The following RALGAPA1 variants were observed in gnomAD, a reference collection of about 807,000 sequenced individuals.
RALGAPA1 encodes the protein Ral GTPase activating protein catalytic subunit alpha 1.
In RALGAPA1, 52 loss-of-function variants were observed where a neutral mutation model predicts 269.6. The ratio of observed to expected loss-of-function variants is 0.19; its 90% confidence interval spans 0.15 to 0.24. The LOEUF (loss-of-function observed/expected upper bound fraction) is 0.24, where lower values mean the gene tolerates loss of function less well. Ranked by LOEUF, RALGAPA1 falls within the 10% of genes least tolerant of loss-of-function variation. RALGAPA1 has a pLI of 1.00. For synonymous variants in RALGAPA1, 817 were observed against 1,008.3 expected, an observed-to-expected ratio of 0.81 and a Z score of 3.60; for missense variants, 1,917 against 3,013.9, an observed-to-expected ratio of 0.64 and a Z score of 8.52.
At position 35,775,047 on chromosome 14, in the gene RALGAPA1, A is replaced by T; in HGVS notation, c.226T>A (p.Ser76Thr). The T allele has an allele frequency of 6.5e-7, 1 of 1,544,494 alleles. No homozygotes were observed. The highest frequency in any genetic ancestry group is 8.9e-7 in the Non-Finnish European group (1 of 1,124,510). ...ATAGCATCCAATTCCTCTCTTTGAG[A>T]CTTGTGACCTAAAACATTTTTATAA... ...EASLKQKGHK[S>T]QREELDAILF... The change falls in exon 3 of 42, where the codon TCT becomes ACT. Residue 76 changes from serine (S) to threonine (T), a missense_variant. Around this residue, in one of 11 missense-constraint regions of RALGAPA1, gnomAD observed 462 missense variants for 725.6 expected, o/e 0.64. Coordinates refer to ENST00000680220, the MANE Select transcript of RALGAPA1 (RefSeq NM_001346249.2).
At chr14:35,764,445 T>C (rs2073978956) in intron 4 of RALGAPA1, among the ~76,000 whole-genome samples, 3 of 152,204 alleles carry the variant, frequency 2.0e-5, no homozygotes, top group African/African-American at 7.2e-5. Context: ...TGTGTCTATT[T>C]CTATGAATTG....
At chr14:35,670,039 A>G (rs746824017) in intron 26 of RALGAPA1, among the ~76,000 whole-genome samples, 3 of 152,196 alleles carry the variant, frequency 2.0e-5, no homozygotes, top group Admixed American at 6.5e-5. Context: ...TACAGCTATA[A>G]ATACCGCTGC....
intron 27 of RALGAPA1, among the ~76,000 whole-genome samples, chr14:35,660,056 A>G (rs1419532581): frequency 6.6e-6 from 1 of 152,088 alleles, no homozygotes; most frequent in East Asian, 1.9e-4. Flanking sequence ...ACAAGCCCAT[A>G]GATAACATCA....
At chr14:35,723,380 C>CT (rs939642239) in intron 14 of RALGAPA1, 116 bp from the exon 15 acceptor site, 12 of 594,654 alleles carry the variant, frequency 2.0e-5, no homozygotes, top group East Asian at 5.7e-5. Context: ...AAATCGCATG[C>CT]TTTTTTTAAT....
At chr14:35,688,064 T>C (rs940627587) in intron 18 of RALGAPA1, among the ~76,000 whole-genome samples, 1 of 152,174 alleles carries the variant, frequency 6.6e-6, no homozygotes, top group Non-Finnish European at 1.5e-5. Context: ...CAGTTAGATA[T>C]ATCTGGTGCC....
chr14:35,592,382 A>C lies in RALGAPA1; in HGVS notation c.7209+3252T>G, dbSNP rs369037900. Among the ~76,000 whole-genome samples the C allele has an allele frequency of 1.8e-4, 27 of 152,332 alleles. No individual in the cohort carries two copies. In the East Asian group the frequency reaches 4.0e-3, roughly 23 times the overall value. On this transcript the variant is annotated intron_variant, in intron 37 of 41. Coordinates refer to ENST00000680220, the MANE Select transcript of RALGAPA1 (RefSeq NM_001346249.2). ...GAAGAATTAATTAGAAACCTTTAAC[A>C]AAAAGCCCAGAACTAGACAGCTTCA...
intron 16 of RALGAPA1, among the ~76,000 whole-genome samples, chr14:35,705,746 T>A (rs1010487691): frequency 6.6e-6 from 1 of 152,194 alleles, no homozygotes; most frequent in Admixed American, 6.5e-5. Flanking sequence ...TGTCTCCCAG[T>A]GTGATGATAT....
chr14:35,545,551 TTGTG>T (rs1175613538), intron 41 of RALGAPA1, among the ~76,000 whole-genome samples: 1 of 152,078 alleles, frequency 6.6e-6, no homozygotes, highest in Non-Finnish European at 1.5e-5. Flanking sequence ...AGATATATGT[TTGTG>T]TATGTATATA....
chr14:35,617,963 T>C (rs1004686696), intron 35 of RALGAPA1, among the ~76,000 whole-genome samples: 1 of 152,134 alleles, frequency 6.6e-6, no homozygotes, highest in African/African-American at 2.4e-5. Flanking sequence ...AGTATCTATT[T>C]AGAAGTCTCA....
intron 15 of RALGAPA1, among the ~76,000 whole-genome samples, chr14:35,722,481 T>TG (rs2069508767): frequency 6.6e-6 from 1 of 152,018 alleles, no homozygotes; most frequent in Non-Finnish European, 1.5e-5. Context: ...TAGCTGAGCA[T>TG]GGTGGCCTGT....
At chr14:35,703,380 G>A (rs551177636) in intron 16 of RALGAPA1, among the ~76,000 whole-genome samples, 4 of 152,224 alleles carry the variant, frequency 2.6e-5, no homozygotes, top group Admixed American at 2.0e-4. Flanking sequence ...CCGATGGCTG[G>A]AGGTGAGAGG....
intron 21 of RALGAPA1, among the ~76,000 whole-genome samples, chr14:35,680,383 A>T (rs1417682465): frequency 1.3e-5 from 2 of 151,198 alleles, no homozygotes; most frequent in Non-Finnish European, 3.0e-5. Context: ...AATTTTTTGT[A>T]TCTTTAGTAG....
chr14:35,549,328 T>C, intron 39 of RALGAPA1, 94 bp from the exon 40 acceptor site: 2 of 1,265,584 alleles, frequency 1.6e-6, no homozygotes, highest in African/African-American at 1.5e-5. Flanking sequence ...AAGCCATTAC[T>C]TCTTAATAAA....
At chr14:35,774,057 G>A (rs2074841530) in intron 3 of RALGAPA1, among the ~76,000 whole-genome samples, 1 of 151,802 alleles carries the variant, frequency 6.6e-6, no homozygotes, top group Non-Finnish European at 1.5e-5. Context: ...AGCACTACAA[G>A]CGCCTGCCAC....
At chr14:35,624,011 C>T (rs1345728957) in intron 35 of RALGAPA1, among the ~76,000 whole-genome samples, 5 of 151,066 alleles carry the variant, frequency 3.3e-5, no homozygotes, top group East Asian at 1.9e-4. Context: ...GGCGTGAACC[C>T]GGGAGGCGGA....
At chr14:35,690,024 A>T in intron 17 of RALGAPA1, 21 bp from the exon 18 acceptor site, 1 of 1,480,536 alleles carries the variant, frequency 6.8e-7, no homozygotes, top group African/African-American at 1.5e-5. Context: ...AAAAAAAATT[A>T]TGTAGAGAAG....
At chr14:35,800,294 T>C (rs1595603379) in intron 1 of RALGAPA1, among the ~76,000 whole-genome samples, 1 of 152,242 alleles carries the variant, frequency 6.6e-6, no homozygotes, top group East Asian at 1.9e-4. Context: ...TATATATTCC[T>C]TTCAAGTGCA....
chr14:35,700,323 G>A, intron 16 of RALGAPA1, 21 bp from the exon 17 acceptor site: 4 of 1,492,528 alleles, frequency 2.7e-6, no homozygotes, highest in Non-Finnish European at 2.7e-6. Flanking sequence ...GGAAAAGAAA[G>A]AAGTGGGGAA....
At chr14:35,782,823 A>T (rs2075542432) in intron 1 of RALGAPA1, among the ~76,000 whole-genome samples, 1 of 152,024 alleles carries the variant, frequency 6.6e-6, no homozygotes, top group East Asian at 1.9e-4. Flanking sequence ...AGAATAGTCA[A>T]AACAGTATTT....
Sources: gnomAD v4.1 joint callset for allele counts (sites outside exome capture counted in the v4.1 genomes callset) on GRCh38, gnomAD v4.1.1 for gene constraint, gnomAD v4.1.1 regional missense constraint, MANE v1.5 for transcripts, NCBI Gene and HGNC (gene_info 2026-07-23, HGNC 2026-07-21) for gene names.